The following MAP3K20 variants were observed in gnomAD, a reference collection of about 807,000 sequenced individuals.
MAP3K20 encodes the protein HCCS-4.
MAP3K20 carries 40 observed loss-of-function variants against 85.7 expected under a neutral mutation model. That is an observed-to-expected ratio of 0.47 (90% confidence interval 0.36 to 0.61). The LOEUF (loss-of-function observed/expected upper bound fraction) is 0.61, where lower values mean the gene tolerates loss of function less well. Ranked by LOEUF, MAP3K20 falls within the 20% of genes least tolerant of loss-of-function variation. The pLI, the probability that MAP3K20 is intolerant of heterozygous loss-of-function variation, is 0.00. For synonymous variants in MAP3K20, 325 were observed against 327.7 expected, an observed-to-expected ratio of 0.99 and a Z score of 0.09; for missense variants, 817 against 961.7, an observed-to-expected ratio of 0.85 and a Z score of 1.99.
intron 2 of MAP3K20, among the ~76,000 whole-genome samples, chr2:173,111,505 A>G (rs931827567): frequency 6.6e-6 from 1 of 152,228 alleles, no homozygotes; most frequent in African/African-American, 2.4e-5. Flanking sequence ...GCCTAAGCCA[A>G]TGTCTAGAAG....
intron 10 of MAP3K20, among the ~76,000 whole-genome samples, chr2:173,213,091 T>C (rs1683961997): frequency 6.6e-6 from 1 of 152,180 alleles, no homozygotes; most frequent in Non-Finnish European, 1.5e-5. Context: ...CAGAGAAAAG[T>C]ATCAAAAAGT....
chr2:173,078,721 T>C (rs1194736512), intron 1 of MAP3K20, among the ~76,000 whole-genome samples: 1 of 152,166 alleles, frequency 6.6e-6, no homozygotes, highest in African/African-American at 2.4e-5. Flanking sequence ...AATTAAAGCC[T>C]CAAATTGAAC....
At chr2:173,122,263 A>C (rs77020944) in intron 2 of MAP3K20, among the ~76,000 whole-genome samples, 3,120 of 152,366 alleles carry the variant, frequency 0.02, 56 homozygotes, top group South Asian at 0.048. Context: ...GGTCACCCCT[A>C]ACTGGGGATG....
intron 2 of MAP3K20, among the ~76,000 whole-genome samples, chr2:173,153,531 G>C (rs1426220660): frequency 6.6e-6 from 1 of 152,144 alleles, no homozygotes; most frequent in Non-Finnish European, 1.5e-5. Context: ...CTGTTTCTTA[G>C]AATATTACTA....
chr2:173,085,047 A>G (rs1687109108), intron 1 of MAP3K20, among the ~76,000 whole-genome samples: 1 of 152,238 alleles, frequency 6.6e-6, no homozygotes, highest in South Asian at 2.1e-4. Context: ...CTTTGGGGCT[A>G]TCAGTTTTGT....
intron 2 of MAP3K20, among the ~76,000 whole-genome samples, chr2:173,154,953 A>G (rs1457462607): frequency 6.6e-6 from 1 of 152,242 alleles, no homozygotes; most frequent in Non-Finnish European, 1.5e-5. Context: ...TATTATTTCA[A>G]GAAGTTTTGG....
intron 14 of MAP3K20, among the ~76,000 whole-genome samples, chr2:173,234,589 G>A (rs1684601423): frequency 6.6e-6 from 1 of 152,204 alleles, no homozygotes; most frequent in Non-Finnish European, 1.5e-5. Context: ...AGGAATGACA[G>A]ATTTTGGAAT....
chr2:173,116,069 CACTA>C (rs1000245085), intron 2 of MAP3K20, among the ~76,000 whole-genome samples: 2 of 151,772 alleles, frequency 1.3e-5, no homozygotes, highest in Non-Finnish European at 2.9e-5. Flanking sequence ...AGGCCAGTCT[CACTA>C]ACTCCTGAGC....
chr2:173,186,100 A>G (rs567727060), intron 4 of MAP3K20, among the ~76,000 whole-genome samples: 1 of 152,344 alleles, frequency 6.6e-6, no homozygotes, highest in African/African-American at 2.4e-5. Flanking sequence ...CTAATACTTT[A>G]TGGTACTTTT....
At chr2:173,093,065 A>G (rs1156642841) in intron 2 of MAP3K20, among the ~76,000 whole-genome samples, 1 of 152,252 alleles carries the variant, frequency 6.6e-6, no homozygotes, top group African/African-American at 2.4e-5. Context: ...GACACAGTAA[A>G]TTATGGCAAA....
At chr2:173,175,954 T>TA (rs1690140242) in intron 3 of MAP3K20, among the ~76,000 whole-genome samples, 1 of 152,192 alleles carries the variant, frequency 6.6e-6, no homozygotes, top group South Asian at 2.1e-4. Flanking sequence ...GAAATCTATT[T>TA]TAGTTAATAT....
At chr2:173,088,068 G>GA (rs76066794) in intron 1 of MAP3K20, among the ~76,000 whole-genome samples, 149,888 of 151,820 alleles carry the variant, frequency 0.99, 74,004 homozygotes, top group Middle Eastern at 1. Flanking sequence ...ACCAAAGAGT[G>GA]AAAAAAAAGA....
intron 3 of MAP3K20, among the ~76,000 whole-genome samples, chr2:173,177,849 A>G (rs542521547): frequency 6.8e-6 from 1 of 147,118 alleles, no homozygotes; most frequent in South Asian, 2.3e-4. Context: ...AAGGAAATGT[A>G]TAGCTTTCAA....
chr2:173,209,476 C>T (rs923773034), intron 9 of MAP3K20, among the ~76,000 whole-genome samples: 3 of 152,152 alleles, frequency 2.0e-5, no homozygotes, highest in African/African-American at 7.2e-5. Context: ...CATGAATTAT[C>T]CCAACCTTAG....
At position 173,207,692 on chromosome 2, in the gene MAP3K20, G is replaced by C. The variant is rs1201211423; in HGVS notation, c.745-2037G>C. ...TGAAGATAACAAATAGAGAAATAATGTATGTAGATGCTTCACAAATGGTCC... is the reference window on the plus strand; with the variant it reads ...TGAAGATAACAAATAGAGAAATAATCTATGTAGATGCTTCACAAATGGTCC... On this transcript the variant is annotated intron_variant, in intron 9 of 19. Transcript: ENST00000375213. 3 of 149,620 alleles carry C rather than the reference G, an allele frequency of 2.0e-5. No individual in the cohort carries two copies. The South Asian group carries it at 6.3e-4, about 32-fold the overall frequency. 9.3% of individuals were successfully genotyped at this position (149,620 alleles called of 1,614,324 possible).
At chr2:173,200,561 T>C (rs1691018176) in intron 8 of MAP3K20, among the ~76,000 whole-genome samples, 1 of 152,184 alleles carries the variant, frequency 6.6e-6, no homozygotes, top group East Asian at 1.9e-4. Flanking sequence ...TATCCAAGTA[T>C]TAGAGTTGTC....
intron 16 of MAP3K20, among the ~76,000 whole-genome samples, chr2:173,247,482 TG>T (rs1160945731): frequency 6.6e-6 from 1 of 152,192 alleles, no homozygotes; most frequent in Non-Finnish European, 1.5e-5. Flanking sequence ...TTTACTTTGA[TG>T]TATCTTGCGT....
intron 16 of MAP3K20, among the ~76,000 whole-genome samples, chr2:173,258,235 C>T (rs1473641421): frequency 6.6e-6 from 1 of 152,122 alleles, no homozygotes; most frequent in Non-Finnish European, 1.5e-5. Flanking sequence ...CTTGAACCCA[C>T]ATCATTATCA....
chr2:173,093,975 T>A (rs1687380669), intron 2 of MAP3K20, among the ~76,000 whole-genome samples: 1 of 120,246 alleles, frequency 8.3e-6, no homozygotes. Flanking sequence ...AACATCACAC[T>A]CTGGGGACTG....
Sources: gnomAD v4.1 joint callset for allele counts (sites outside exome capture counted in the v4.1 genomes callset) on GRCh38, gnomAD v4.1.1 for gene constraint, MANE v1.5 for transcripts, NCBI Gene and HGNC (gene_info 2026-07-23, HGNC 2026-07-21) for gene names.